The following ARMC8 variants were observed in gnomAD, a reference collection of about 807,000 sequenced individuals.
ARMC8 encodes armadillo repeat-containing protein 8.
Under a neutral mutation model 99.3 loss-of-function variants are expected in ARMC8, and 20 were observed. The ratio of observed to expected loss-of-function variants is 0.20; its 90% CI spans 0.14 to 0.29. The LOEUF is 0.29. Among genes scored for constraint, ARMC8 ranks in the 10% least tolerant of loss-of-function variants. The pLI is 1.00. For missense variants in ARMC8, 569 were observed against 809.5 expected (o/e 0.70, Z 3.60); for synonymous variants, 263 against 278.3 (o/e 0.95, Z 0.55).
rs770732063 is a variant in ARMC8 at position 138,223,519 on chromosome 3, G to A, written c.325G>A (p.Ala109Thr). The A allele has an allele frequency of 7.4e-6, 12 of 1,614,036 alleles. No individual in the cohort carries two copies. Among genetic ancestry groups the A allele is most frequent in the South Asian group, 1.1e-5 (1 of 91,088 alleles). ...TCTACTGGACTGCCATATTATCCCT[G>A]CCTTATTGCAAGGTATGTAGGGAAG... ...KSLLDCHIIP[A>T]LLQGLLSPDL... Residue 109 changes from alanine (A) to threonine (T), a missense_variant, in exon 4 of 22, where the codon GCC (alanine) becomes ACC (threonine). By Grantham distance (58) the Ala-to-Thr change is moderately conservative (BLOSUM62 0). Coordinates refer to ENST00000469044, the MANE Select transcript of ARMC8 (RefSeq NM_001363941.2).
chr3:138,240,845 G>A (rs1293275417), intron 10 of ARMC8, among the ~76,000 whole-genome samples: 3 of 152,080 alleles, frequency 2.0e-5, no homozygotes, highest in Non-Finnish European at 2.9e-5. Context: ...AGTAAATGTC[G>A]TTCGAGACCA....
chr3:138,187,407 C>A lies in ARMC8; in HGVS notation c.-148C>A. ...TTTGCCCTTCTTTCTGCGGGCCTTTCCGGTACTTGAGCGGTGTCCAGAGCG... is the reference window on the plus strand; with the variant it reads ...TTTGCCCTTCTTTCTGCGGGCCTTTACGGTACTTGAGCGGTGTCCAGAGCG... On this transcript the variant is annotated 5_prime_UTR_variant, in exon 1 of 22. Coordinates refer to ENST00000469044, the MANE Select transcript of ARMC8 (RefSeq NM_001363941.2). The A allele has an allele frequency of 1.4e-6, 1 of 716,988 alleles. No homozygotes were observed. The highest frequency in any genetic ancestry group is 2.3e-6 in the Non-Finnish European group (1 of 435,294). The allele number at this position is 716,988 out of a possible 1,614,324, so 44.4% of individuals were successfully genotyped here.
At chr3:138,210,381 T>C (rs887814298) in intron 2 of ARMC8, among the ~76,000 whole-genome samples, 3 of 152,196 alleles carry the variant, frequency 2.0e-5, no homozygotes, top group Non-Finnish European at 2.9e-5. Flanking sequence ...TGCCTTTTTT[T>C]CTCCAAAATT....
At chr3:138,241,696 A>T in intron 10 of ARMC8, 87 bp from the exon 11 acceptor site, 1 of 1,097,972 alleles carries the variant, frequency 9.1e-7, no homozygotes, top group East Asian at 2.4e-5. Flanking sequence ...ATTACTCCTG[A>T]TAAAAGCTAT....
intron 11 of ARMC8, among the ~76,000 whole-genome samples, chr3:138,244,297 A>T (rs2046775553): frequency 6.6e-6 from 1 of 151,906 alleles, no homozygotes; most frequent in East Asian, 1.9e-4. Flanking sequence ...TTTATTTTTG[A>T]GATGTAGTCT....
At chr3:138,259,805 C>T (rs1019984433) in intron 12 of ARMC8, among the ~76,000 whole-genome samples, 13 of 152,178 alleles carry the variant, frequency 8.5e-5, no homozygotes, top group Admixed American at 7.2e-4. Flanking sequence ...TAAAAGAAAG[C>T]GCAAAGCTAC....
intron 12 of ARMC8, chr3:138,246,578 G>T (rs1292946988): frequency 1.0e-6 from 1 of 985,462 alleles, no homozygotes; most frequent in Non-Finnish European, 1.2e-6. Flanking sequence ...TTAGAAACAG[G>T]AGAAGTATTT....
At position 138,284,447 on chromosome 3, in the gene ARMC8, C is replaced by T; in HGVS notation, c.1742C>T (p.Ala581Val). ...EVKEQTLCIL[A>V]NIADGTTAKD... Reference sequence around the variant, plus strand: ...CTTTTCCAGACACTGTGCATCTTAGCCAACATAGCGGATGGGACAACAGCA... The same window carrying T: ...CTTTTCCAGACACTGTGCATCTTAGTCAACATAGCGGATGGGACAACAGCA... Residue 581 changes from alanine to valine, a missense_variant, in exon 19 of 22, where the codon GCC becomes GTC. By Grantham distance (64) the Ala-to-Val change is moderately conservative (BLOSUM62 0). Coordinates refer to ENST00000469044, the MANE Select transcript of ARMC8 (RefSeq NM_001363941.2). 6.2e-7 allele frequency: 1 copy of T among 1,613,332 alleles called. No homozygotes were observed. Among genetic ancestry groups the T allele is most frequent in the Non-Finnish European group, 8.5e-7 (1 of 1,179,396 alleles).
intron 1 of ARMC8, among the ~76,000 whole-genome samples, chr3:138,188,732 T>A (rs1576549444): frequency 1.3e-5 from 2 of 152,202 alleles, no homozygotes; most frequent in African/African-American, 2.4e-5. Context: ...CTCACCTATC[T>A]GAAAACACCT....
intron 1 of ARMC8, among the ~76,000 whole-genome samples, chr3:138,200,904 C>CTTTTTTT (rs34087212): frequency 7.9e-5 from 5 of 63,352 alleles, no homozygotes; most frequent in Non-Finnish European, 1.2e-4. Context: ...CTTCAGTGGG[C>CTTTTTTT]TTTTTTTTTT....
Position 138,284,434 on chromosome 3 carries a change from C to T in ARMC8, c.1729C>T (p.Leu577=). The stretch of plus-strand genomic sequence containing the variant: ...TTGGCCCTTTGTTCTTTTCCAGACA[C>T]TGTGCATCTTAGCCAACATAGCGGA... ...EHNIEVKEQT[L]CILANIADGT... The change falls in exon 19 of 22, where the codon CTG becomes TTG. Residue 577 remains leucine, a synonymous_variant. Coordinates refer to ENST00000469044, the MANE Select transcript of ARMC8 (RefSeq NM_001363941.2). 1.2e-6 allele frequency: 2 copies of T among 1,612,282 alleles called. No individual in the cohort carries two copies. The highest frequency in any genetic ancestry group is 2.2e-5 in the East Asian group (1 of 44,872).
At chr3:138,205,345 G>A (rs1432015086) in intron 1 of ARMC8, among the ~76,000 whole-genome samples, 1 of 151,754 alleles carries the variant, frequency 6.6e-6, no homozygotes, top group African/African-American at 2.4e-5. Context: ...CACCACGCCC[G>A]GCGGCAATTC....
chr3:138,189,977 C>T (rs185713405), intron 1 of ARMC8, among the ~76,000 whole-genome samples: 2 of 152,198 alleles, frequency 1.3e-5, no homozygotes, highest in Non-Finnish European at 2.9e-5. Flanking sequence ...TTTCATCCCC[C>T]TGTATCTACC....
intron 7 of ARMC8, among the ~76,000 whole-genome samples, chr3:138,235,776 G>T (rs1176186888): frequency 2.7e-5 from 4 of 146,522 alleles, no homozygotes; most frequent in Admixed American, 2.0e-4. Flanking sequence ...CTCTTGCAGT[G>T]ACTCCATTCT....
At chr3:138,252,387 C>T (rs1291265856) in intron 12 of ARMC8, among the ~76,000 whole-genome samples, 1 of 151,788 alleles carries the variant, frequency 6.6e-6, no homozygotes, top group East Asian at 1.9e-4. Flanking sequence ...AAAATATTTA[C>T]TGCTTGGCCC....
intron 2 of ARMC8, among the ~76,000 whole-genome samples, chr3:138,210,440 T>A (rs2044627253): frequency 6.6e-6 from 1 of 152,204 alleles, no homozygotes; most frequent in South Asian, 2.1e-4. Flanking sequence ...CAGAGGTAAT[T>A]ATGCTCTTAA....
intron 16 of ARMC8, among the ~76,000 whole-genome samples, chr3:138,271,542 A>G (rs1166296995): frequency 6.6e-6 from 1 of 152,088 alleles, no homozygotes; most frequent in Non-Finnish European, 1.5e-5. Context: ...TCACTCCTCA[A>G]ATCTGTACAA....
intron 12 of ARMC8, chr3:138,246,680 C>T (rs919284174): frequency 1.9e-5 from 19 of 984,512 alleles, no homozygotes; most frequent in Non-Finnish European, 2.3e-5. Context: ...TCCATTTGTA[C>T]TTCTTTGTAC....
chr3:138,217,723 T>G (rs2045148557), intron 2 of ARMC8, among the ~76,000 whole-genome samples: 1 of 152,142 alleles, frequency 6.6e-6, no homozygotes, highest in Non-Finnish European at 1.5e-5. Flanking sequence ...TATTGACTTC[T>G]TTTCTCCCAC....
Sources: gnomAD v4.1 joint callset for allele counts (sites outside exome capture counted in the v4.1 genomes callset) on GRCh38, gnomAD v4.1.1 for gene constraint, MANE v1.5 for transcripts, NCBI Gene and HGNC (gene_info 2026-07-23, HGNC 2026-07-21) for gene names.